The following TINAG variants were observed in gnomAD, a reference collection of about 807,000 sequenced individuals.
The protein encoded by TINAG is tubulointerstitial nephritis antigen.
TINAG carries 83 observed loss-of-function variants against 72.7 expected under a neutral mutation model. The ratio of observed to expected loss-of-function variants is 1.14; its 90% CI spans 0.96 to 1.37. The LOEUF is 1.37. Among genes scored for constraint, TINAG ranks in the 40% most tolerant of loss-of-function variants. The pLI, the probability that TINAG is intolerant of heterozygous loss-of-function variation, is 0.00. For missense variants in TINAG, 685 were observed against 576.6 expected (o/e 1.19, Z -1.93); for synonymous variants, 234 against 189.9 (o/e 1.23, Z -1.91).
chr6:54,342,323 A>G (rs967522761), intron 4 of TINAG, among the ~76,000 whole-genome samples: 3 of 151,702 alleles, frequency 2.0e-5, no homozygotes, highest in Admixed American at 2.0e-4. Flanking sequence ...TTAAGAAACC[A>G]TAATTTTGCA....
At chr6:54,320,759 A>G (rs2150935550) in intron 2 of TINAG, 117 bp downstream of exon 2, 1 of 671,374 alleles carries the variant, frequency 1.5e-6, no homozygotes, top group Non-Finnish European at 2.4e-6. Flanking sequence ...AGAATCATAC[A>G]TCATAAGACA....
upstream of TINAG, chr6:54,308,330 G>T (rs572070091): frequency 6.5e-5 from 41 of 634,778 alleles, 1 homozygote; most frequent in Non-Finnish European, 1.0e-4. Flanking sequence ...AACTTTGGGG[G>T]AATAACAATA....
intron 4 of TINAG, among the ~76,000 whole-genome samples, chr6:54,328,731 G>C (rs1784666681): frequency 6.6e-6 from 1 of 151,864 alleles, no homozygotes; most frequent in African/African-American, 2.4e-5. Context: ...TTGATAAAAG[G>C]TTACAGGAAC....
At chr6:54,360,859 T>TTTTTTTTTTTTTTTTTTTTTTTG (rs1763211726) in intron 9 of TINAG, among the ~76,000 whole-genome samples, 1 of 127,994 alleles carries the variant, frequency 7.8e-6, no homozygotes, top group African/African-American at 3.3e-5. Context: ...TTTTTTTTTT[T>TTTTTTTTTTTTTTTTTTTTTTTG]TTTTTTTTTT....
intron 10 of TINAG, among the ~76,000 whole-genome samples, chr6:54,380,968 T>G: frequency 1.4e-5 from 2 of 146,378 alleles, no homozygotes; most frequent in Admixed American, 6.8e-5. Context: ...TCCTATAGGA[T>G]ATAACCTATA....
chr6:54,357,486 A>C (rs952171013), intron 9 of TINAG, among the ~76,000 whole-genome samples: 1 of 151,918 alleles, frequency 6.6e-6, no homozygotes, highest in African/African-American at 2.4e-5. Context: ...CAAATTCAAC[A>C]CTTCCAAAAC....
At position 54,321,386 on chromosome 6, in the gene TINAG, G is replaced by A. The variant is rs1302525803; in HGVS notation, c.509G>A (p.Gly170Glu). The change falls in exon 3 of 11, where the codon GGA (glycine) becomes GAA (glutamate). Residue 170 changes from glycine (G) to glutamate (E), a missense_variant and splice_region_variant. By Grantham distance (98) the Gly-to-Glu change is moderately conservative. Coordinates refer to ENST00000259782, the MANE Select transcript of TINAG (RefSeq NM_014464.4). ...LIEQVNKGDY[G>E]WTAQNYSQFW... Reference sequence around the variant, plus strand: ...GAACAGGTCAATAAAGGAGACTATGGGTGAGAGAAATCTTGCTTTGTATGT... The same window carrying A: ...GAACAGGTCAATAAAGGAGACTATGAGTGAGAGAAATCTTGCTTTGTATGT... The A allele has an allele frequency of 1.2e-6, 2 of 1,606,068 alleles. No homozygotes were observed. Among genetic ancestry groups the A allele is most frequent in the Admixed American group, 1.7e-5 (1 of 59,950 alleles).
rs536347250 is a variant in TINAG, at chr6:54,325,805, T to C, written c.510-997T>C. Among the ~76,000 whole-genome samples, 10 of 151,894 alleles carry C rather than the reference T, an allele frequency of 6.6e-5. No homozygotes were observed. In the East Asian group the frequency reaches 2.1e-3, roughly 32 times the overall value. On this transcript the variant is annotated intron_variant, in intron 3 of 10. Transcript: ENST00000259782. The stretch of plus-strand genomic sequence containing the variant: ...TCTCTTATATTCAGAGGTTCCCTTA[T>C]TGAGATTGCACTTTAAATTGTAACC...
Position 54,349,876 on chromosome 6 carries a change from C to T in TINAG, c.1060C>T (p.Pro354Ser), listed in dbSNP as rs533749978. The T allele has an allele frequency of 5.1e-5, 81 of 1,593,054 alleles. No individual in the cohort carries two copies. The South Asian group carries it at 8.9e-4, about 18-fold the overall frequency. ...KSNRIYQCSP[P>S]YRVSSNETEI... Reference sequence around the variant, plus strand: ...TAACAGGATCTATCAATGTTCTCCTCCATACAGAGTCTCTTCCAACGTAAG... The same window carrying T: ...TAACAGGATCTATCAATGTTCTCCTTCATACAGAGTCTCTTCCAACGTAAG... The change falls in exon 7 of 11, where the codon CCA becomes TCA. Residue 354 changes from proline (P) to serine (S), a missense_variant. By Grantham distance (74) the Pro-to-Ser change is moderately conservative. Transcript: ENST00000259782.
At position 54,378,249 on chromosome 6, in the gene TINAG, A is replaced by C. The variant is rs573456584; in HGVS notation, c.1251-2277A>C. 4.6e-5 allele frequency among the ~76,000 whole-genome samples: 7 copies of C among 152,202 alleles called. 1 individual carries two copies. Among genetic ancestry groups the C allele is most frequent in the Admixed American group, 4.6e-4 (7 of 15,268 alleles). On this transcript the variant is annotated intron_variant, in intron 9 of 10. Transcript: ENST00000259782. ...CTTTTGTTAATTTTTTTATACCAGC[A>C]CCTTAGTCTCTGAAACTATTAGATT...
chr6:54,364,422 T>A (rs1473437861), intron 9 of TINAG, among the ~76,000 whole-genome samples: 13 of 151,592 alleles, frequency 8.6e-5, no homozygotes, highest in Admixed American at 3.3e-4. Context: ...ATAAGACTGA[T>A]AAAAGGAGAG....
At position 54,380,034 on chromosome 6, in the gene TINAG, G is replaced by A. The variant is rs186387518; in HGVS notation, c.1251-492G>A. 1.9e-3 allele frequency among the ~76,000 whole-genome samples: 293 copies of A among 152,122 alleles called. 1 individual carries two copies. Among genetic ancestry groups the A allele is most frequent in the African/African-American group, 6.8e-3 (283 of 41,498 alleles). ...TGTGAGTGAGAACATGCAATGTTTG[G>A]TTTTCTGTTCTTGTGTTAGTTTGCT... is the stretch of plus-strand genomic sequence containing the variant. On this transcript the variant is annotated intron_variant, in intron 9 of 10. Transcript: ENST00000259782.
In TINAG at chr6:54,347,494, T is replaced by G. The variant is rs774596422; in HGVS notation, c.876T>G (p.Ala292=). The G allele has an allele frequency of 6.2e-7, 1 of 1,613,008 alleles. No homozygotes were observed. The highest frequency in any genetic ancestry group is 1.1e-5 in the South Asian group (1 of 91,020). The change falls in exon 6 of 11, where the codon GCT becomes GCG. Residue 292 remains alanine, a synonymous_variant. Transcript: ENST00000259782. ...HGCNSGSIDR[A]WWYLRKRGLV... ...GCAATAGTGGAAGCATCGATAGGGC[T>G]TGGTGGTACCTGAGAAAACGTGGGT...
At chr6:54,317,609 C>G (rs1394587684) in intron 1 of TINAG, among the ~76,000 whole-genome samples, 1 of 152,146 alleles carries the variant, frequency 6.6e-6, no homozygotes, top group Non-Finnish European at 1.5e-5. Flanking sequence ...GTAAATTACT[C>G]AGTCTTGGGT....
chr6:54,365,197 ATAAT>A (rs1763370927), intron 9 of TINAG: 1 of 151,574 alleles, frequency 6.6e-6, no homozygotes, highest in Admixed American at 6.6e-5. Flanking sequence ...TAAATGTGCG[ATAAT>A]TAGTATAGAC....
chr6:54,369,257 T>C (rs1328183805), intron 9 of TINAG, among the ~76,000 whole-genome samples: 1 of 151,840 alleles, frequency 6.6e-6, no homozygotes, highest in African/African-American at 2.4e-5. Flanking sequence ...TTTTTGCTTG[T>C]AAAAAGATGA....
At chr6:54,321,073 T>A (rs1389377047) in intron 2 of TINAG, among the ~76,000 whole-genome samples, 2 of 152,176 alleles carry the variant, frequency 1.3e-5, no homozygotes, top group Non-Finnish European at 2.9e-5. Flanking sequence ...TCAGCAGATG[T>A]GTGATCATAT....
At chr6:54,373,341 C>G (rs1192832776) in intron 9 of TINAG, among the ~76,000 whole-genome samples, 1 of 152,120 alleles carries the variant, frequency 6.6e-6, no homozygotes, top group African/African-American at 2.4e-5. Flanking sequence ...TGATGCTCTT[C>G]TCTCTCAGAT....
At chr6:54,354,299 T>C (rs2150962632) in intron 8 of TINAG, among the ~76,000 whole-genome samples, 1 of 152,042 alleles carries the variant, frequency 6.6e-6, no homozygotes. Flanking sequence ...AATGTGTACT[T>C]AATATTCTAA....
Sources: gnomAD v4.1 joint callset for allele counts (sites outside exome capture counted in the v4.1 genomes callset) on GRCh38, gnomAD v4.1.1 for gene constraint, MANE v1.5 for transcripts, NCBI Gene and HGNC (gene_info 2026-07-23, HGNC 2026-07-21) for gene names.